Variants in GSE1 observed in about 807,000 individuals in gnomAD.
The protein encoded by GSE1 is Gse1 coiled-coil protein, also known as genetic suppressor element 1.
GSE1 carries 32 observed loss-of-function variants against 112.6 expected under a neutral mutation model. That is an observed-to-expected ratio of 0.28 (90% confidence interval 0.21 to 0.38). GSE1 has a LOEUF of 0.38. Among genes scored for constraint, GSE1 ranks in the 10% least tolerant of loss-of-function variants. The pLI is 1.00. For missense variants in GSE1, 2,348 were observed against 1,699.2 expected (o/e 1.38, Z -6.71); for synonymous variants, 1,115 against 735.6 (o/e 1.52, Z -8.35).
chr16:85,666,711 A>G (rs2052891548), intron 13 of GSE1: 1 of 254,152 alleles, frequency 3.9e-6, no homozygotes, highest in Non-Finnish European at 7.7e-6. Context: ...ACCCGCATTC[A>G]TTTGAAAGAA....
At chr16:85,211,226 G>A (rs899508444) in intron 1 of GSE1, among the ~76,000 whole-genome samples, 3 of 152,012 alleles carry the variant, frequency 2.0e-5, no homozygotes, top group African/African-American at 7.2e-5. Flanking sequence ...CAGCCCCCTG[G>A]CCAAGCTGCC....
At chr16:85,462,768 A>G (rs1233369343) in intron 2 of GSE1, among the ~76,000 whole-genome samples, 1 of 122,186 alleles carries the variant, frequency 8.2e-6, no homozygotes. Context: ...GCTGCGAGGC[A>G]GCCGCGCCGC....
At chr16:85,661,788 A>G in intron 9 of GSE1, 23 bp downstream of exon 9, 1 of 1,483,746 alleles carries the variant, frequency 6.7e-7, no homozygotes, top group Non-Finnish European at 9.0e-7. Context: ...GCGGGCCCCG[A>G]GCTGCTCAGG....
chr16:85,368,393 C>G (rs9932559), intron 2 of GSE1, among the ~76,000 whole-genome samples: 44,483 of 151,984 alleles, frequency 0.29, 6,806 homozygotes, highest in Middle Eastern at 0.34. Flanking sequence ...TAGATCAGCC[C>G]TAAATGCCTT....
upstream of GSE1, among the ~76,000 whole-genome samples, chr16:85,551,303 C>T (rs186994129): frequency 2.2e-3 from 342 of 152,310 alleles, 2 homozygotes; most frequent in African/African-American, 7.9e-3. Flanking sequence ...AGAGCGCTGC[C>T]CTTCTCACAT....
intron 2 of GSE1, among the ~76,000 whole-genome samples, chr16:85,481,133 C>T (rs1012719236): frequency 6.6e-6 from 1 of 152,260 alleles, no homozygotes. Flanking sequence ...CTTCTCTCCC[C>T]ACCCGGTCCA....
chr16:85,259,098 G>C (rs7191809), intron 1 of GSE1, among the ~76,000 whole-genome samples: 1 of 152,070 alleles, frequency 6.6e-6, no homozygotes, highest in African/African-American at 2.4e-5. Context: ...CAGGATAGGG[G>C]CTCAGTGCAA....
chr16:85,210,320 A>G (rs1484025895), intron 1 of GSE1, among the ~76,000 whole-genome samples: 2 of 152,246 alleles, frequency 1.3e-5, no homozygotes, highest in Non-Finnish European at 2.9e-5. Context: ...AAATGTCCAC[A>G]GTAAGGTGTG....
chr16:85,633,122 C>T (rs576824899), intron 1 of GSE1, among the ~76,000 whole-genome samples: 9 of 152,330 alleles, frequency 5.9e-5, no homozygotes, highest in East Asian at 3.9e-4. Flanking sequence ...CCAAGCTGCA[C>T]CGCGGTTTGG....
chr16:85,430,861 GC>G (rs942219780), intron 2 of GSE1, among the ~76,000 whole-genome samples: 8 of 152,220 alleles, frequency 5.3e-5, no homozygotes, highest in African/African-American at 1.7e-4. Context: ...GCCGGGCCCT[GC>G]CCCGGGGTCT....
intron 1 of GSE1, among the ~76,000 whole-genome samples, chr16:85,327,878 G>C (rs1011901504): frequency 6.6e-6 from 1 of 152,188 alleles, no homozygotes; most frequent in Non-Finnish European, 1.5e-5. Flanking sequence ...CTATTTGGGA[G>C]GATGTTGTCT....
At chr16:85,538,443 A>G (rs1432471182) in intron 2 of GSE1, among the ~76,000 whole-genome samples, 1 of 152,168 alleles carries the variant, frequency 6.6e-6, no homozygotes, top group Admixed American at 6.5e-5. Flanking sequence ...GGGAGCAGAA[A>G]TACACAAATT....
intron 1 of GSE1, among the ~76,000 whole-genome samples, chr16:85,592,046 ACCCCCCG>A (rs1302848574): frequency 6.6e-6 from 1 of 151,948 alleles, no homozygotes; most frequent in Non-Finnish European, 1.5e-5. Context: ...GGCCAGGGGC[ACCCCCCG>A]CCCCCCGCTC....
intron 8 of GSE1, among the ~76,000 whole-genome samples, chr16:85,659,159 T>G (rs574076555): frequency 1.3e-5 from 2 of 152,186 alleles, no homozygotes; most frequent in Non-Finnish European, 2.9e-5. Context: ...GACAGCAGCG[T>G]CGGATTTGTC....
chr16:85,281,426 T>G (rs559883175), intron 1 of GSE1, among the ~76,000 whole-genome samples: 5 of 152,212 alleles, frequency 3.3e-5, no homozygotes, highest in African/African-American at 1.2e-4. Context: ...AGATAATTAT[T>G]ACTCATATCC....
At chr16:85,592,532 C>A (rs976533364) in intron 1 of GSE1, 16 of 152,326 alleles carry the variant, frequency 1.1e-4, no homozygotes, top group Admixed American at 3.9e-4. Flanking sequence ...CGGGCACTTG[C>A]AGGGGTGGGG....
chr16:85,282,323 G>T (rs2044881485), intron 1 of GSE1, among the ~76,000 whole-genome samples: 1 of 152,222 alleles, frequency 6.6e-6, no homozygotes, highest in African/African-American at 2.4e-5. Flanking sequence ...ACCGCGCCCG[G>T]CTGGGTTGCT....
At chr16:85,331,429 ATG>A (rs1466271004) in intron 1 of GSE1, among the ~76,000 whole-genome samples, 7 of 138,828 alleles carry the variant, frequency 5.0e-5, no homozygotes, top group African/African-American at 1.9e-4. Flanking sequence ...ATATGTATAT[ATG>A]TATATATATG....
rs1567692446 is a variant in GSE1, at chr16:85,331,353, G to GTATATATA, written c.2284-26109_2284-26108insATATATAT. Among the ~76,000 whole-genome samples, 37 of 71,786 alleles carry GTATATATA rather than the reference G, an allele frequency of 5.2e-4. 6 individuals are homozygous for GTATATATA. Among genetic ancestry groups the GTATATATA allele is most frequent in the Non-Finnish European group, 7.7e-4 (21 of 27,380 alleles). The allele number at this position is 71,786 out of a possible 152,430, so 47.1% of individuals were successfully genotyped here. A position where few individuals can be genotyped will look rare whatever the true frequency, so the allele number is the denominator to read the frequency against. ...TGTGTGTGTGTGTGTGTGTGTGTGT[G>GTATATATA]TGTGTGTGTGTGTATATATGTATAT... On this transcript the variant is annotated intron_variant, in intron 1 of 2. Transcript: ENST00000637419.
Sources: allele counts gnomAD v4.1 joint callset (sites outside exome capture counted in the v4.1 genomes callset), GRCh38; gene constraint gnomAD v4.1.1; transcripts MANE v1.5; gene names NCBI Gene and HGNC (gene_info 2026-07-23, HGNC 2026-07-21).